The following RAD54L2 variants were observed in gnomAD, a reference collection of about 807,000 sequenced individuals.
RAD54L2 encodes RAD54 like 2, also known as helicase ARIP4.
Under a neutral mutation model 138.4 loss-of-function variants are expected in RAD54L2, and 27 were observed. That is an observed-to-expected ratio of 0.20 (90% confidence interval 0.14 to 0.27). RAD54L2 has a LOEUF of 0.27. RAD54L2 is among the 10% of genes least tolerant of loss of function. The pLI is 1.00. For missense variants in RAD54L2, 1,396 were observed against 1,890.2 expected, an observed-to-expected ratio of 0.74 and a Z score of 4.85; for synonymous variants, 644 against 723.2, an observed-to-expected ratio of 0.89 and a Z score of 1.76.
chr3:51,665,939 G>A lies in RAD54L2; in HGVS notation c.*2519G>A, dbSNP rs945975502. 2.6e-5 allele frequency: 4 copies of A among 152,222 alleles called. No homozygotes were observed. The highest frequency in any genetic ancestry group is 2.0e-4 in the Admixed American group (3 of 15,288). 9.4% of individuals were successfully genotyped at this position (152,222 alleles called of 1,614,324 possible). ...AACTGAAACCATTCCCTGGAGGGAT[G>A]GGCTTGGCTTTTGAAGTTGACAGAA... On this transcript the variant is annotated 3_prime_UTR_variant, in exon 23 of 23. Coordinates refer to ENST00000684192, the MANE Select transcript of RAD54L2 (RefSeq NM_015106.4).
At chr3:51,555,931 G>A (rs1194432194) in intron 2 of RAD54L2, among the ~76,000 whole-genome samples, 1 of 152,108 alleles carries the variant, frequency 6.6e-6, no homozygotes, top group Non-Finnish European at 1.5e-5. Flanking sequence ...AGCCCCTTTT[G>A]CATTCTAGTT....
chr3:51,572,743 A>G (rs933526938), intron 2 of RAD54L2, among the ~76,000 whole-genome samples: 8 of 150,530 alleles, frequency 5.3e-5, no homozygotes, highest in Non-Finnish European at 1.5e-5. Context: ...GGTTCAAGCA[A>G]TTCTCCTGCC....
At chr3:51,605,089 A>AT (rs35877053) in intron 3 of RAD54L2, among the ~76,000 whole-genome samples, 55,429 of 123,096 alleles carry the variant, frequency 0.45, 14,238 homozygotes, top group East Asian at 0.66. Context: ...TACCTGGCTA[A>AT]TTTTTTTTTT....
chr3:51,662,698 G>A lies in RAD54L2; in HGVS notation c.3682G>A (p.Gly1228Ser). 1.9e-6 allele frequency: 3 copies of A among 1,613,874 alleles called. No individual in the cohort carries two copies. Among genetic ancestry groups the A allele is most frequent in the South Asian group, 1.1e-5 (1 of 91,050 alleles). The change falls in exon 23 of 23, where the codon GGT becomes AGT. Residue 1228 changes from glycine to serine, a missense_variant. Gly to Ser is a moderately conservative substitution (Grantham distance 56). Transcript: ENST00000684192. The surrounding 1 kb of genome is among the most constrained non-coding windows in gnomAD (Gnocchi z 4.6). ...TALGTEPRLG[G>S]HCLNSSLLVT... is the part of the protein sequence containing the mutation. ...TCTCGGAACTGAGCCTCGACTAGGG[G>A]GTCATTGCCTCAATAGTTCCCTCTT... is the stretch of plus-strand genomic sequence containing the variant.
rs369167951 is a variant in RAD54L2 at position 51,639,711 on chromosome 3, G to C, written c.2112+41G>C. 6 of 1,606,496 alleles carry C rather than the reference G, an allele frequency of 3.7e-6. No homozygotes were observed. The African/African-American group carries it at 8.0e-5, about 21-fold the overall frequency. ...CCTTCAGGAACCATAAACTATTGCT[G>C]AGAAGGGATGGTGCAAGCCCTGCCT... On this transcript the variant is annotated intron_variant, in intron 13 of 22. Transcript: ENST00000684192.
intron 3 of RAD54L2, among the ~76,000 whole-genome samples, chr3:51,618,711 T>G (rs1700502301): frequency 6.6e-6 from 1 of 152,200 alleles, no homozygotes; most frequent in Non-Finnish European, 1.5e-5. Flanking sequence ...CTGTAATGAC[T>G]TGGGGGGGTT....
rs1464281856 is a variant in RAD54L2 at position 51,563,816 on chromosome 3, G to A, written c.-55+22166G>A. 3.9e-5 allele frequency among the ~76,000 whole-genome samples: 6 copies of A among 152,186 alleles called. No homozygotes were observed. In the East Asian group the frequency reaches 1.2e-3, roughly 29 times the overall value. On this transcript the variant is annotated intron_variant, in intron 2 of 22. Transcript: ENST00000684192. ...CACTGGAAAAGGCCCAGGTGTGGGA[G>A]GATTAGTTATTAGGTGGTAGACTAT...
intron 3 of RAD54L2, among the ~76,000 whole-genome samples, chr3:51,590,816 C>T (rs1019645984): frequency 1.3e-5 from 2 of 152,124 alleles, no homozygotes; most frequent in African/African-American, 4.8e-5. Flanking sequence ...GGACTCAGGT[C>T]CAGAGATTCG....
At chr3:51,639,087 G>A (rs892905370) in intron 12 of RAD54L2, 1 of 331,052 alleles carries the variant, frequency 3.0e-6, no homozygotes, top group Non-Finnish European at 5.6e-6. Context: ...GTAGCAGACT[G>A]TAGCCACACT....
At chr3:51,635,987 G>A (rs1700976172) in intron 10 of RAD54L2, among the ~76,000 whole-genome samples, 198 bp downstream of exon 10, 1 of 152,236 alleles carries the variant, frequency 6.6e-6, no homozygotes, top group African/African-American at 2.4e-5. Context: ...CAGCTGTGCA[G>A]TTATGGTTAG....
intron 2 of RAD54L2, among the ~76,000 whole-genome samples, chr3:51,546,711 G>C: frequency 6.6e-6 from 1 of 151,732 alleles, no homozygotes; most frequent in East Asian, 1.9e-4. Context: ...ATGACATTTT[G>C]TGAGCAGTGT....
intron 2 of RAD54L2, among the ~76,000 whole-genome samples, chr3:51,572,726 C>T (rs1699365020): frequency 6.6e-6 from 1 of 150,764 alleles, no homozygotes; most frequent in South Asian, 2.1e-4. Flanking sequence ...GCAACCTCCG[C>T]CTCCCGGGTT....
chr3:51,577,904 C>T (rs1045707718), intron 2 of RAD54L2, among the ~76,000 whole-genome samples: 1 of 152,046 alleles, frequency 6.6e-6, no homozygotes, highest in Non-Finnish European at 1.5e-5. Flanking sequence ...TGGAACCTCC[C>T]CCCAGTTACT....
intron 2 of RAD54L2, among the ~76,000 whole-genome samples, chr3:51,575,435 T>C (rs1355132669): frequency 6.6e-6 from 1 of 152,200 alleles, no homozygotes; most frequent in Non-Finnish European, 1.5e-5. Context: ...TAAATTACCA[T>C]GGGCAGTATG....
intron 2 of RAD54L2, among the ~76,000 whole-genome samples, chr3:51,589,829 A>G (rs144755060): frequency 5.7e-4 from 86 of 152,182 alleles, no homozygotes; most frequent in Non-Finnish European, 1.1e-3. Flanking sequence ...TGTTATTGTT[A>G]CTTTAAGGTG....
At chr3:51,551,353 G>T (rs1465629388) in intron 2 of RAD54L2, among the ~76,000 whole-genome samples, 2 of 151,834 alleles carry the variant, frequency 1.3e-5, no homozygotes, top group Non-Finnish European at 2.9e-5. Context: ...GGCTGGTCTT[G>T]AACTCCTGGG....
intron 2 of RAD54L2, among the ~76,000 whole-genome samples, chr3:51,542,127 G>T (rs1443773497): frequency 6.6e-6 from 1 of 152,148 alleles, no homozygotes; most frequent in African/African-American, 2.4e-5. Flanking sequence ...CTCAATTTTT[G>T]ACCCTTGATA....
At chr3:51,540,107 A>G (rs898889314) in intron 1 of RAD54L2, among the ~76,000 whole-genome samples, 1 of 152,244 alleles carries the variant, frequency 6.6e-6, no homozygotes, top group African/African-American at 2.4e-5. Flanking sequence ...ACTTCATCAT[A>G]CATGTAAGTT....
intron 3 of RAD54L2, among the ~76,000 whole-genome samples, chr3:51,591,436 C>G (rs867694218): frequency 6.6e-6 from 1 of 152,142 alleles, no homozygotes; most frequent in Non-Finnish European, 1.5e-5. Flanking sequence ...GTACTCCTGC[C>G]GTTCTCCAGA....
Sources: gnomAD v4.1 joint callset for allele counts (sites outside exome capture counted in the v4.1 genomes callset) on GRCh38, gnomAD v4.1.1 for gene constraint, Gnocchi (gnomAD v3.1) non-coding constraint, MANE v1.5 for transcripts, NCBI Gene and HGNC (gene_info 2026-07-23, HGNC 2026-07-21) for gene names.